TMEM178B: variants seen among roughly 807,000 people sequenced by gnomAD.
The protein encoded by TMEM178B is transmembrane protein 178B.
Under a neutral mutation model 31.0 loss-of-function variants are expected in TMEM178B, and 5 were observed. That is an observed-to-expected ratio of 0.16 (90% CI 0.08 to 0.34). The LOEUF is 0.34. Ranked by LOEUF, TMEM178B falls within the 10% of genes least tolerant of loss-of-function variation. The pLI is 1.00. For synonymous variants in TMEM178B, 164 were observed against 164.0 expected (o/e 1.00, Z 0.00); for missense variants, 275 against 400.3 (o/e 0.69, Z 2.67).
chr7:141,192,210 G>A (rs182330735), intron 1 of TMEM178B, among the ~76,000 whole-genome samples: 1 of 152,294 alleles, frequency 6.6e-6, no homozygotes, highest in Admixed American at 6.5e-5. Context: ...GAGAGAGGCA[G>A]AGCCCTACTG....
At chr7:141,466,252 C>A (rs1802146283) in intron 3 of TMEM178B, among the ~76,000 whole-genome samples, 1 of 152,180 alleles carries the variant, frequency 6.6e-6, no homozygotes, top group African/African-American at 2.4e-5. Context: ...CAAAAGGTTC[C>A]ACAGTCACAG....
intron 2 of TMEM178B, among the ~76,000 whole-genome samples, chr7:141,298,024 T>A (rs1476244688): frequency 6.6e-6 from 1 of 152,238 alleles, no homozygotes; most frequent in Non-Finnish European, 1.5e-5. Context: ...ACCTGTTGTT[T>A]CTTGACTTTT....
In TMEM178B at chr7:141,346,078, G is replaced by A. The variant is rs969762936; in HGVS notation, c.497-91530G>A. 4.6e-5 allele frequency among the ~76,000 whole-genome samples: 7 copies of A among 151,906 alleles called. No individual in the cohort carries two copies. In the East Asian group the frequency reaches 5.8e-4, roughly 13 times the overall value. ...CTACTAAAAATACAAAAAATTAGCC[G>A]GGCGTGGTGGCGGGTGCCTGTAGTC... On this transcript the variant is annotated intron_variant, in intron 2 of 3. Coordinates refer to ENST00000565468, the MANE Select transcript of TMEM178B (RefSeq NM_001195278.2).
At chr7:141,334,335 A>G (rs1799347758) in intron 2 of TMEM178B, among the ~76,000 whole-genome samples, 1 of 152,238 alleles carries the variant, frequency 6.6e-6, no homozygotes, top group Admixed American at 6.5e-5. Context: ...AAAAATGGGC[A>G]TAATAACATC....
At chr7:141,334,984 T>C (rs562223474) in intron 2 of TMEM178B, among the ~76,000 whole-genome samples, 1 of 152,302 alleles carries the variant, frequency 6.6e-6, no homozygotes, top group Non-Finnish European at 1.5e-5. Flanking sequence ...GGAGGATCTT[T>C]TGTTTCACCT....
rs148491457 is a variant in TMEM178B at position 141,400,882 on chromosome 7, T to C, written c.497-36726T>C. ...GTCACCATCACCCGTCTGGCTTGTC[T>C]TCTCTGCCCCCCAGCTTAGATGGTA... is the stretch of plus-strand genomic sequence containing the variant. On this transcript the variant is annotated intron_variant, in intron 2 of 3. Coordinates refer to ENST00000565468, the MANE Select transcript of TMEM178B (RefSeq NM_001195278.2). Among the ~76,000 whole-genome samples, 251 of 152,322 alleles carry C rather than the reference T, an allele frequency of 1.6e-3. 1 individual carries two copies. The highest frequency in any genetic ancestry group is 6.6e-3 in the South Asian group (32 of 4,828).
At chr7:141,298,519 T>G (rs1798672998) in intron 2 of TMEM178B, among the ~76,000 whole-genome samples, 1 of 152,228 alleles carries the variant, frequency 6.6e-6, no homozygotes, top group African/African-American at 2.4e-5. Context: ...GGGTCACAAC[T>G]TGTGCAGACC....
intron 2 of TMEM178B, among the ~76,000 whole-genome samples, chr7:141,308,316 G>A (rs571768523): frequency 2.0e-5 from 3 of 152,146 alleles, no homozygotes; most frequent in Non-Finnish European, 2.9e-5. Context: ...CAGGTGGGGC[G>A]GGAAGCTCTG....
At chr7:141,347,202 C>T (rs189235296) in intron 2 of TMEM178B, among the ~76,000 whole-genome samples, 9 of 152,214 alleles carry the variant, frequency 5.9e-5, no homozygotes, top group East Asian at 1.9e-4. Context: ...GACAGCAGTG[C>T]GAGAACGAGA....
chr7:141,215,777 C>CCTTCCTTCCTTT lies in TMEM178B; in HGVS notation c.496+3076_496+3077insCCTTCCTTTCTT, dbSNP rs1479407874. On this transcript the variant is annotated intron_variant, in intron 2 of 3. Transcript: ENST00000565468. ...TGGTTAAATTTGAATTATATACTTTCCTTTCTTTCTTTCTTTCTTTCTTTC... is the reference window on the plus strand; with the variant it reads ...TGGTTAAATTTGAATTATATACTTTCCTTCCTTCCTTTCTTTCTTTCTTTCTTTCTTTCTTTC... 1.4e-4 allele frequency among the ~76,000 whole-genome samples: 16 copies of CCTTCCTTCCTTT among 112,126 alleles called. No homozygotes were observed. The East Asian group carries it at 3.3e-3, about 23-fold the overall frequency. The allele number at this position is 112,126 out of a possible 152,430, so 73.6% of individuals were successfully genotyped here.
chr7:141,106,358 T>G (rs187466553), intron 1 of TMEM178B, among the ~76,000 whole-genome samples: 11 of 152,346 alleles, frequency 7.2e-5, no homozygotes, highest in Non-Finnish European at 5.9e-5. Flanking sequence ...AATTTAACAG[T>G]ATTTGTATAT....
At chr7:141,456,395 A>C (rs1299217349) in intron 3 of TMEM178B, among the ~76,000 whole-genome samples, 2 of 152,196 alleles carry the variant, frequency 1.3e-5, no homozygotes, top group African/African-American at 4.8e-5. Context: ...CACTTTCCAC[A>C]AAACCACACC....
chr7:141,180,967 T>G (rs919817918), intron 1 of TMEM178B, among the ~76,000 whole-genome samples: 2 of 152,164 alleles, frequency 1.3e-5, no homozygotes, highest in African/African-American at 4.8e-5. Flanking sequence ...CATCCATTCA[T>G]CCATCCTCCT....
chr7:141,347,742 C>T (rs1799644900), intron 2 of TMEM178B, among the ~76,000 whole-genome samples: 1 of 152,056 alleles, frequency 6.6e-6, no homozygotes, highest in Non-Finnish European at 1.5e-5. Flanking sequence ...TCTGTCTCCT[C>T]ATCTGTCTCC....
intron 1 of TMEM178B, among the ~76,000 whole-genome samples, chr7:141,140,118 C>T (rs753701582): frequency 1.3e-5 from 2 of 152,314 alleles, no homozygotes; most frequent in Middle Eastern, 3.4e-3. Context: ...GAGCGTCTGG[C>T]GCTTGCATAC....
At chr7:141,088,221 T>C (rs1408994438) in intron 1 of TMEM178B, among the ~76,000 whole-genome samples, 1 of 152,132 alleles carries the variant, frequency 6.6e-6, no homozygotes, top group East Asian at 1.9e-4. Context: ...GGTGACTTGC[T>C]TGGCCCTTGT....
At chr7:141,265,572 C>T (rs1419218285) in intron 2 of TMEM178B, among the ~76,000 whole-genome samples, 3 of 152,172 alleles carry the variant, frequency 2.0e-5, no homozygotes, top group African/African-American at 7.2e-5. Context: ...CTGTCTCCAG[C>T]ATCTAGCATA....
chr7:141,247,720 G>A (rs1437938636), intron 2 of TMEM178B, among the ~76,000 whole-genome samples: 1 of 152,176 alleles, frequency 6.6e-6, no homozygotes, highest in Non-Finnish European at 1.5e-5. Flanking sequence ...CATATCAGAG[G>A]TGTGATTGTC....
chr7:141,414,704 C>G (rs959262189), intron 2 of TMEM178B: 5 of 152,362 alleles, frequency 3.3e-5, no homozygotes, highest in African/African-American at 9.7e-5. Context: ...CATCTCTCTC[C>G]CTATCTATAC....
Sources: gnomAD v4.1 joint callset for allele counts (sites outside exome capture counted in the v4.1 genomes callset) on GRCh38, gnomAD v4.1.1 for gene constraint, MANE v1.5 for transcripts, NCBI Gene and HGNC (gene_info 2026-07-23, HGNC 2026-07-21) for gene names.